Variants in REPS2 observed in about 807,000 individuals in gnomAD.
REPS2 encodes RALBP1 associated Eps domain containing 2, also known as ralBP1-associated Eps domain-containing protein 2.
REPS2 carries 23 observed loss-of-function variants against 53.6 expected under a neutral mutation model. The ratio of observed to expected loss-of-function variants is 0.43; its 90% CI spans 0.31 to 0.61. REPS2 has a LOEUF of 0.61. Among genes scored for constraint, REPS2 ranks in the 20% least tolerant of loss-of-function variants. REPS2 has a pLI of 0.11. For synonymous variants in REPS2, 238 were observed against 218.6 expected (o/e 1.09, Z -0.78); for missense variants, 446 against 534.9 (o/e 0.83, Z 1.64).
chrX:17,180,086 A>G, the REPS2 span, among the ~76,000 whole-genome samples: 1 of 111,826 alleles, frequency 8.9e-6, no homozygotes, highest in African/African-American at 3.3e-5. Flanking sequence ...AGAAAGACAC[A>G]TACCCTGATG....
intron 8 of REPS2, among the ~76,000 whole-genome samples, chrX:17,059,161 C>T (rs780148997): frequency 9.2e-6 from 1 of 108,521 alleles, no homozygotes; most frequent in African/African-American, 3.4e-5. Flanking sequence ...CAGGCACATG[C>T]CACCATGCCC....
intron 1 of REPS2, among the ~76,000 whole-genome samples, chrX:16,955,267 A>G (rs1304286631): frequency 2.7e-5 from 3 of 111,612 alleles, no homozygotes; most frequent in African/African-American, 6.5e-5. Flanking sequence ...TGGGTTGCGC[A>G]GGACTGAAGG....
chrX:17,184,632 T>G, the REPS2 span, among the ~76,000 whole-genome samples: 2 of 110,450 alleles, frequency 1.8e-5, no homozygotes, highest in African/African-American at 3.3e-5. Context: ...TGAACTAGTT[T>G]ACAGTCCCAC....
intron 14 of REPS2, among the ~76,000 whole-genome samples, chrX:17,126,378 C>T (rs946385475): frequency 8.9e-6 from 1 of 112,192 alleles, no homozygotes; most frequent in African/African-American, 3.2e-5. Flanking sequence ...TGGCGTTTGG[C>T]ATTAAGTCAA....
intron 17 of REPS2, among the ~76,000 whole-genome samples, chrX:17,142,816 A>G (rs1373766144): frequency 8.9e-6 from 1 of 111,881 alleles, no homozygotes; most frequent in Non-Finnish European, 1.9e-5. Flanking sequence ...TACACTAACC[A>G]TGTGACCCAG....
chrX:17,123,120 C>T (rs1356731852), intron 14 of REPS2, among the ~76,000 whole-genome samples: 2 of 111,734 alleles, frequency 1.8e-5, no homozygotes, highest in Admixed American at 1.9e-4. Context: ...CTGGTGGGTG[C>T]CTGTTTTACT....
At chrX:17,179,021 T>G in the REPS2 span, among the ~76,000 whole-genome samples, 1 of 112,123 alleles carries the variant, frequency 8.9e-6, no homozygotes, top group Non-Finnish European at 1.9e-5. Flanking sequence ...AAGAGATGAC[T>G]CCACTCACAT....
intron 15 of REPS2, among the ~76,000 whole-genome samples, chrX:17,134,259 A>G (rs951005156): frequency 3.6e-5 from 4 of 111,610 alleles, no homozygotes; most frequent in Non-Finnish European, 7.5e-5. Context: ...GGGGTGGGGT[A>G]GTCTCTCCTT....
intron 11 of REPS2, among the ~76,000 whole-genome samples, chrX:17,073,393 G>C (rs1244572979): frequency 8.9e-6 from 1 of 112,462 alleles, no homozygotes; most frequent in Non-Finnish European, 1.9e-5. Flanking sequence ...AAGAGGATCA[G>C]TGTTTTTGTA....
At chrX:17,006,193 C>A in intron 1 of REPS2, 28 bp from the exon 2 acceptor site, 1 of 1,203,611 alleles carries the variant, frequency 8.3e-7, no homozygotes, top group East Asian at 3.0e-5. Flanking sequence ...ATTGGGTGTT[C>A]AGCATTGTTT....
chrX:16,959,796 G>A (rs2060638472), intron 1 of REPS2, among the ~76,000 whole-genome samples: 1 of 111,645 alleles, frequency 9.0e-6, no homozygotes, highest in Admixed American at 9.6e-5. Context: ...CAGAAGTAGA[G>A]AGAGTACTTC....
intron 5 of REPS2, among the ~76,000 whole-genome samples, chrX:17,043,996 C>T (rs1179743524): frequency 8.9e-6 from 1 of 112,359 alleles, no homozygotes; most frequent in East Asian, 2.8e-4. Flanking sequence ...GGCTGGGGTG[C>T]GAGGCTTCTG....
chrX:17,184,647 A>G, the REPS2 span, among the ~76,000 whole-genome samples: 1 of 110,844 alleles, frequency 9.0e-6, no homozygotes, highest in African/African-American at 3.3e-5. Flanking sequence ...TCCCACCAAC[A>G]GTGTAAAAGT....
chrX:16,964,987 C>A (rs775537653), intron 1 of REPS2, among the ~76,000 whole-genome samples: 1 of 20,587 alleles, frequency 4.9e-5, no homozygotes, highest in Non-Finnish European at 8.8e-5. Flanking sequence ...AGTAGGGGCG[C>A]CCGGGCAGAG....
intron 4 of REPS2, among the ~76,000 whole-genome samples, chrX:17,025,933 C>T (rs983073328): frequency 9.0e-6 from 1 of 111,323 alleles, no homozygotes; most frequent in African/African-American, 3.3e-5. Context: ...CTGTAAACCC[C>T]CACCCCCCCA....
intron 2 of REPS2, among the ~76,000 whole-genome samples, chrX:17,006,848 C>T (rs1251503387): frequency 4.5e-5 from 5 of 111,724 alleles, no homozygotes; most frequent in African/African-American, 1.6e-4. Context: ...AATTTATCTT[C>T]TTAAGGTTCT....
chrX:17,047,447 G>A lies in REPS2; in HGVS notation c.872G>A (p.Arg291Gln), dbSNP rs2061923823. 1 of 1,208,782 alleles carries A rather than the reference G, an allele frequency of 8.3e-7. No individual in the cohort carries two copies. Residue 291 changes from arginine (R) to glutamine (Q), a missense_variant, in exon 6 of 18, where the codon CGA (arginine) becomes CAA (glutamine). Transcript: ENST00000357277. ...EQREYYVNQFRSLQPDPSSFI... is the reference protein window; with the variant it reads ...EQREYYVNQFQSLQPDPSSFI... The stretch of plus-strand genomic sequence containing the variant: ...CGCGAGTACTATGTCAATCAGTTCC[G>A]ATCCCTTCAGCCAGACCCAAGCTCT...
chrX:16,983,984 G>T (rs2061056677), intron 1 of REPS2, among the ~76,000 whole-genome samples: 1 of 112,736 alleles, frequency 8.9e-6, no homozygotes, highest in Non-Finnish European at 1.9e-5. Flanking sequence ...AGAAATGAAG[G>T]TAATACCTGA....
chrX:17,175,039 C>T, the REPS2 span, among the ~76,000 whole-genome samples: 1 of 112,529 alleles, frequency 8.9e-6, no homozygotes, highest in Non-Finnish European at 1.9e-5. Flanking sequence ...AAATGCAGTT[C>T]GAAATGAACG....
Sources: gnomAD v4.1 joint callset for allele counts (sites outside exome capture counted in the v4.1 genomes callset) on GRCh38, gnomAD v4.1.1 for gene constraint, MANE v1.5 for transcripts, NCBI Gene and HGNC (gene_info 2026-07-23, HGNC 2026-07-21) for gene names.